Variants in CCDC88A observed in about 807,000 individuals in gnomAD.
CCDC88A encodes coiled-coil and HOOK domain protein 88A.
A neutral mutation model predicts 234.3 loss-of-function variants in CCDC88A; 54 were observed. That is an observed-to-expected ratio of 0.23 (90% CI 0.19 to 0.29). CCDC88A has a LOEUF of 0.29. Among genes scored for constraint, CCDC88A ranks in the 10% least tolerant of loss-of-function variants. The probability of loss-of-function intolerance (pLI) is 1.00; values close to 1 mark genes in which losing one functional copy is unlikely to be tolerated. For synonymous variants in CCDC88A, 753 were observed against 737.8 expected (o/e 1.02, Z -0.33); for missense variants, 1,832 against 2,123.4 (o/e 0.86, Z 2.70).
chr2:55,368,780 A>T lies in CCDC88A; in HGVS notation c.402+3672T>A, dbSNP rs1026714739. ...CTAGATGTGGGAAAACATGCTATTT[A>T]CATATTAGAATTTTAATCTGTTCAA... On this transcript the variant is annotated intron_variant, in intron 5 of 32. Transcript: ENST00000436346. Among the ~76,000 whole-genome samples, 5 of 152,360 alleles carry T rather than the reference A, an allele frequency of 3.3e-5. No homozygotes were observed. In the East Asian group the frequency reaches 9.6e-4, roughly 29 times the overall value.
chr2:55,419,533 A>T lies in CCDC88A; in HGVS notation c.-454T>A. On this transcript the variant is annotated 5_prime_UTR_variant, in exon 1 of 33. Coordinates refer to ENST00000436346, the MANE Select transcript of CCDC88A (RefSeq NM_001365480.1). ...GGATACCGAGGCGCCACCAGACTCG[A>T]CCTCGGCGTTCCGACCTCTACACGT... 8.0e-6 allele frequency: 1 copy of T among 124,282 alleles called. No individual in the cohort carries two copies. The highest frequency in any genetic ancestry group is 1.8e-5 in the Non-Finnish European group (1 of 56,006). 7.7% of individuals were successfully genotyped at this position (124,282 alleles called of 1,614,324 possible). A position where few individuals can be genotyped will look rare whatever the true frequency, so the allele number is the denominator to read the frequency against.
chr2:55,392,600 G>T (rs190172170), intron 2 of CCDC88A, among the ~76,000 whole-genome samples: 1 of 152,302 alleles, frequency 6.6e-6, no homozygotes, highest in East Asian at 1.9e-4. Context: ...TTTTTAAAAT[G>T]TATTTGCTGA....
chr2:55,341,384 C>T (rs1162884542), intron 12 of CCDC88A, among the ~76,000 whole-genome samples: 4 of 150,908 alleles, frequency 2.7e-5, no homozygotes, highest in Admixed American at 2.6e-4. Context: ...GTGATCTGCC[C>T]GCCTCGGCCT....
At chr2:55,402,226 A>AC in intron 2 of CCDC88A, among the ~76,000 whole-genome samples, 1 of 152,260 alleles carries the variant, frequency 6.6e-6, no homozygotes, top group Non-Finnish European at 1.5e-5. Flanking sequence ...CATAAAGAAC[A>AC]TTTTTATAAC....
In CCDC88A at chr2:55,335,172, G is replaced by A; in HGVS notation, c.1657-8C>T. 9 of 1,415,178 alleles carry A rather than the reference G, an allele frequency of 6.4e-6. No individual in the cohort carries two copies. In the East Asian group the frequency reaches 7.5e-5, roughly 12 times the overall value. 87.7% of individuals were successfully genotyped at this position (1,415,178 alleles called of 1,614,324 possible). A position where few individuals can be genotyped will look rare whatever the true frequency, so the allele number is the denominator to read the frequency against. On this transcript the variant is annotated splice_region_variant and splice_polypyrimidine_tract_variant and intron_variant, in intron 14 of 32. Transcript: ENST00000436346. The surrounding 1 kb of genome is among the most constrained non-coding windows in gnomAD (Gnocchi z 4.5). ...CTGTTCCAGTATCTTAATCTAATTTGAAAAGAAAATAATTAAAAGCTGTAA... is the reference window on the plus strand; with the variant it reads ...CTGTTCCAGTATCTTAATCTAATTTAAAAAGAAAATAATTAAAAGCTGTAA...
intron 25 of CCDC88A, chr2:55,308,539 A>G (rs1377039624): frequency 8.4e-6 from 3 of 359,076 alleles, no homozygotes; most frequent in East Asian, 1.1e-4. Flanking sequence ...ATTAACAGAA[A>G]TAGCAAGTGG....
At chr2:55,339,365 C>A in intron 13 of CCDC88A, 99 bp downstream of exon 13, 2 of 1,079,192 alleles carry the variant, frequency 1.9e-6, no homozygotes, top group Non-Finnish European at 2.6e-6. Context: ...GTTAAAATAA[C>A]ATTGAGCGTG....
At chr2:55,412,508 G>T (rs987815525) in intron 2 of CCDC88A, among the ~76,000 whole-genome samples, 1 of 152,130 alleles carries the variant, frequency 6.6e-6, no homozygotes, top group Non-Finnish European at 1.5e-5. Flanking sequence ...GATTCTCACA[G>T]GACCACAAAC....
intron 3 of CCDC88A, among the ~76,000 whole-genome samples, chr2:55,380,388 T>A (rs145141256): frequency 0.013 from 1,933 of 152,252 alleles, 23 homozygotes; most frequent in Non-Finnish European, 0.019. Flanking sequence ...AAAGTTTCAC[T>A]AAATAAGTGG....
At chr2:55,410,658 T>C (rs1381521848) in intron 2 of CCDC88A, among the ~76,000 whole-genome samples, 1 of 151,972 alleles carries the variant, frequency 6.6e-6, no homozygotes, top group East Asian at 1.9e-4. Context: ...GCTGAGGTGG[T>C]GGATAGCTTG....
chr2:55,343,820 GAAAA>G, intron 11 of CCDC88A, 28 bp from the exon 12 acceptor site: 1 of 1,540,986 alleles, frequency 6.5e-7, no homozygotes, highest in Non-Finnish European at 8.7e-7. Flanking sequence ...ATTAGGGAGA[GAAAA>G]AAGCTAAGAA....
intron 4 of CCDC88A, among the ~76,000 whole-genome samples, chr2:55,374,001 C>A (rs1673218325): frequency 6.6e-6 from 1 of 152,286 alleles, no homozygotes; most frequent in African/African-American, 2.4e-5. Flanking sequence ...GTATAAAGGG[C>A]AGAACATTTT....
At chr2:55,413,803 T>A (rs1444320392) in intron 2 of CCDC88A, among the ~76,000 whole-genome samples, 1 of 151,702 alleles carries the variant, frequency 6.6e-6, no homozygotes, top group African/African-American at 2.4e-5. Context: ...AATACAAAAA[T>A]TAGTCAAGCA....
At position 55,315,988 on chromosome 2, in the gene CCDC88A, T is replaced by A. The variant is rs756290042; in HGVS notation, c.3873A>T (p.Lys1291Asn). The stretch of plus-strand genomic sequence containing the variant: ...CCAATTGTTGGTATTGTTCCTTTAG[T>A]TTTGAAAATTCAGCTTCTAATCTTG... ...EQTRLEAEFS[K>N]LKEQYQQLDI... is the part of the protein sequence containing the mutation. Residue 1291 changes from lysine (K) to asparagine (N), a missense_variant, in exon 22 of 33, where the codon AAA becomes AAT. Physicochemically the swap from Lys to Asn is moderately conservative, Grantham distance 94. Coordinates refer to ENST00000436346, the MANE Select transcript of CCDC88A (RefSeq NM_001365480.1). The A allele has an allele frequency of 1.9e-6, 3 of 1,590,336 alleles. No individual in the cohort carries two copies. Among genetic ancestry groups the A allele is most frequent in the Non-Finnish European group, 2.6e-6 (3 of 1,169,638 alleles).
chr2:55,298,927 A>G (rs1250337166), intron 29 of CCDC88A, among the ~76,000 whole-genome samples: 1 of 151,216 alleles, frequency 6.6e-6, no homozygotes, highest in Non-Finnish European at 1.5e-5. Context: ...AGGCCGGGCA[A>G]GGTGGCTCAC....
chr2:55,306,531 C>T (rs1253839153), intron 25 of CCDC88A, among the ~76,000 whole-genome samples: 1 of 151,994 alleles, frequency 6.6e-6, no homozygotes, highest in South Asian at 2.1e-4. Context: ...ACGTTGCTTA[C>T]CTATGGATTC....
intron 31 of CCDC88A, chr2:55,295,006 A>G (rs924474802): frequency 1.8e-5 from 22 of 1,204,842 alleles, no homozygotes; most frequent in African/African-American, 3.2e-5. Flanking sequence ...TTTTCAAATC[A>G]TATTAGAGAA....
At chr2:55,305,862 T>TA (rs548861030) in intron 25 of CCDC88A, among the ~76,000 whole-genome samples, 25,970 of 148,298 alleles carry the variant, frequency 0.18, 5,087 homozygotes, top group African/African-American at 0.49. Flanking sequence ...CTCCATCTCT[T>TA]AAAAAAAAAA....
chr2:55,344,071 G>A (rs1574199980), intron 11 of CCDC88A: 1 of 361,370 alleles, frequency 2.8e-6, no homozygotes, highest in African/African-American at 2.1e-5. Flanking sequence ...ATGAACCAAT[G>A]CTAAATTTTA....
Sources: allele counts gnomAD v4.1 joint callset (sites outside exome capture counted in the v4.1 genomes callset), GRCh38; gene constraint gnomAD v4.1.1; non-coding constraint Gnocchi (gnomAD v3.1); transcripts MANE v1.5; gene names NCBI Gene and HGNC (gene_info 2026-07-23, HGNC 2026-07-21).